KASH5: variants seen among roughly 807,000 people sequenced by gnomAD.
The protein encoded by KASH5 is KASH domain containing 5.
KASH5 carries 72 observed loss-of-function variants against 84.2 expected under a neutral mutation model. That is an observed-to-expected ratio of 0.85 (90% CI 0.71 to 1.04). The LOEUF is 1.04. Among genes scored for constraint, KASH5 ranks in the 50% least tolerant of loss-of-function variants. The probability of loss-of-function intolerance (pLI) is 0.00; values close to 1 mark genes in which losing one functional copy is unlikely to be tolerated. For synonymous variants in KASH5, 260 were observed against 279.1 expected (o/e 0.93, Z 0.68); for missense variants, 650 against 701.0 (o/e 0.93, Z 0.82).
chr19:49,396,155 G>C (rs1168518198), intron 5 of KASH5, among the ~76,000 whole-genome samples: 1 of 151,606 alleles, frequency 6.6e-6, no homozygotes, highest in Non-Finnish European at 1.5e-5. Context: ...TGGTCTTGCT[G>C]CCCTTCCTCG....
At chr19:49,407,506 C>T in intron 11 of KASH5, 106 bp from the exon 12 acceptor site, 1 of 1,296,890 alleles carries the variant, frequency 7.7e-7, no homozygotes, top group Non-Finnish European at 1.1e-6. Context: ...GCTCTTCCCT[C>T]AAGCTCACCC....
chr19:49,391,741 T>A (rs1974011870), intron 2 of KASH5: 1 of 152,158 alleles, frequency 6.6e-6, no homozygotes. Context: ...AACTCCTGAC[T>A]CACTGTGGGA....
intron 1 of KASH5, chr19:49,390,153 G>A (rs1016769073): frequency 1.3e-5 from 2 of 152,420 alleles, no homozygotes; most frequent in Non-Finnish European, 2.9e-5. Context: ...CCAAATCCAG[G>A]CTGATGTGGC....
intron 9 of KASH5, among the ~76,000 whole-genome samples, chr19:49,405,293 C>T (rs112968060): frequency 0.016 from 2,358 of 151,878 alleles, 56 homozygotes; most frequent in African/African-American, 0.053. Context: ...CCCGTCTCTA[C>T]TAAAAATACA....
chr19:49,396,746 T>G (rs891074437), intron 5 of KASH5, among the ~76,000 whole-genome samples: 12 of 151,130 alleles, frequency 7.9e-5, no homozygotes, highest in Non-Finnish European at 1.5e-4. Context: ...CCCCAGGACC[T>G]CACACATAGG....
chr19:49,391,274 A>G (rs544672382), intron 2 of KASH5, among the ~76,000 whole-genome samples: 5 of 152,144 alleles, frequency 3.3e-5, no homozygotes, highest in African/African-American at 1.2e-4. Context: ...ATTTCTCTTC[A>G]CAGTGCTCAC....
Position 49,395,936 on chromosome 19 carries a change from C to G in KASH5, c.400+103C>G. Reference sequence around the variant, plus strand: ...AAGGGATAGGGTAGGAACCAGGGACCTTTACTGTAGACTAGAGCTGTGAGT... The same window carrying G: ...AAGGGATAGGGTAGGAACCAGGGACGTTTACTGTAGACTAGAGCTGTGAGT... On this transcript the variant is annotated intron_variant, in intron 5 of 19. Coordinates refer to ENST00000447857, the MANE Select transcript of KASH5 (RefSeq NM_144688.5). This position sits in a 1 kb window ranked among gnomAD's most constrained non-coding sequence, Gnocchi z 4.4. 1 of 926,084 alleles carries G rather than the reference C, an allele frequency of 1.1e-6. No individual in the cohort carries two copies. The highest frequency in any genetic ancestry group is 1.4e-5 in the South Asian group (1 of 69,792). The allele number at this position is 926,084 out of a possible 1,614,324, so 57.4% of individuals were successfully genotyped here. A position where few individuals can be genotyped will look rare whatever the true frequency, so the allele number is the denominator to read the frequency against.
chr19:49,398,115 A>G lies in KASH5; in HGVS notation c.601A>G (p.Ile201Val), dbSNP rs1159708076. ...EEGSARLGEE[I>V]LALRKQLHST... ...GGGGTCAGCACGCCTTGGGGAGGAG[A>G]TCTTGGCTCTGCGTAAGCAGCTTCA... is the stretch of plus-strand genomic sequence containing the variant. Residue 201 changes from isoleucine (I) to valine (V), a missense_variant, in exon 7 of 20, where the codon ATC becomes GTC. By Grantham distance (29) the Ile-to-Val change is conservative (BLOSUM62 3). Transcript: ENST00000447857. The G allele has an allele frequency of 6.3e-7, 1 of 1,597,716 alleles. No homozygotes were observed. The highest frequency in any genetic ancestry group is 1.7e-5 in the Admixed American group (1 of 59,444).
chr19:49,404,060 C>T (rs1229065770), intron 9 of KASH5, among the ~76,000 whole-genome samples: 8 of 152,222 alleles, frequency 5.3e-5, no homozygotes, highest in South Asian at 2.1e-4. Context: ...CCGAGTGGCC[C>T]AGGATCTGGC....
In KASH5 at chr19:49,417,070, C is replaced by T. The variant is rs756901336; in HGVS notation, c.1430C>T (p.Pro477Leu). Residue 477 changes from proline to leucine, a missense_variant, in exon 18 of 20, where the codon CCT becomes CTT. Pro to Leu is a moderately conservative substitution (Grantham distance 98). Transcript: ENST00000447857. The surrounding 1 kb of genome is among the most constrained non-coding windows in gnomAD (Gnocchi z 5.2). ...APRPGDIPEN[P>L]PERPARRELQ... ...CGCCCTGGAGACATCCCAGAAAACCCTCCAGAGAGGTAATAGGACCCACAG... is the reference window on the plus strand; with the variant it reads ...CGCCCTGGAGACATCCCAGAAAACCTTCCAGAGAGGTAATAGGACCCACAG... 1.2e-5 allele frequency: 19 copies of T among 1,598,044 alleles called. No homozygotes were observed. The highest frequency in any genetic ancestry group is 1.5e-5 in the Non-Finnish European group (18 of 1,172,860).
chr19:49,395,618 G>A lies in KASH5; in HGVS notation c.336-151G>A. On this transcript the variant is annotated intron_variant, in intron 4 of 19. Transcript: ENST00000447857. This position sits in a 1 kb window ranked among gnomAD's most constrained non-coding sequence, Gnocchi z 4.4. ...CTCCTGCTTTTCCATCTGGCCACGG[G>A]CACTTGCCATCTGGCCTCACCCTCC... 1 of 750,218 alleles carries A rather than the reference G, an allele frequency of 1.3e-6. No individual in the cohort carries two copies. The allele number at this position is 750,218 out of a possible 1,614,324, so 46.5% of individuals were successfully genotyped here. A position where few individuals can be genotyped will look rare whatever the true frequency, so the allele number is the denominator to read the frequency against.
intron 3 of KASH5, 195 bp downstream of exon 3, chr19:49,394,775 A>T: frequency 1.7e-6 from 1 of 591,418 alleles, no homozygotes; most frequent in Non-Finnish European, 3.0e-6. Context: ...AATGAGGAAA[A>T]CTTGGGGGAC....
Position 49,398,147 on chromosome 19 carries a change from G to T in KASH5, c.629+4G>T, listed in dbSNP as rs199564198. 460 of 1,564,782 alleles carry T rather than the reference G, an allele frequency of 2.9e-4. 7 individuals carry two copies. In the Admixed American group the frequency reaches 8.1e-3, roughly 27 times the overall value. On this transcript the variant is annotated splice_donor_region_variant and intron_variant, in intron 7 of 19. Transcript: ENST00000447857. The stretch of plus-strand genomic sequence containing the variant: ...CTCTGCGTAAGCAGCTTCACAGGTG[G>T]GCTGGATGCCACACCCACCCTCCCC...
At position 49,394,157 on chromosome 19, in the gene KASH5, C is replaced by T. The variant is rs182665671; in HGVS notation, c.44-319C>T. 6.0e-3 allele frequency among the ~76,000 whole-genome samples: 921 copies of T among 152,288 alleles called. 7 individuals carry two copies. The highest frequency in any genetic ancestry group is 0.02 in the African/African-American group (843 of 41,556). ...TTGCCCTCCCCGACCCTGTCCCTCT[C>T]TGAGTCCAGCCTGGGAGGCTGGAGA... On this transcript the variant is annotated intron_variant, in intron 2 of 19. Transcript: ENST00000447857.
intron 1 of KASH5, 34 bp from the exon 2 acceptor site, chr19:49,390,755 C>A: frequency 1.9e-6 from 2 of 1,070,944 alleles, no homozygotes; most frequent in Non-Finnish European, 1.3e-6. Context: ...TTGGTGGCTG[C>A]TCTGAGGACA....
Position 49,399,271 on chromosome 19 carries a change from G to A in KASH5, c.747+129G>A. On this transcript the variant is annotated intron_variant, in intron 8 of 19. Transcript: ENST00000447857. This position sits in a 1 kb window ranked among gnomAD's most constrained non-coding sequence, Gnocchi z 4.4. ...GGCTTTCTCCCTCTCTCCAGGCCCT[G>A]CTCACCCTAGACTTTTTCAAGCTTA... 2 of 952,570 alleles carry A rather than the reference G, an allele frequency of 2.1e-6. No individual in the cohort carries two copies. The highest frequency in any genetic ancestry group is 3.1e-6 in the Non-Finnish European group (2 of 635,924). 59.0% of individuals were successfully genotyped at this position (952,570 alleles called of 1,614,324 possible). A position where few individuals can be genotyped will look rare whatever the true frequency, so the allele number is the denominator to read the frequency against.
Position 49,394,585 on chromosome 19 carries a change from TG to T in KASH5, c.148+10del, listed in dbSNP as rs1974113222. Reference sequence around the variant, plus strand: ...CTTGTGACCCTCAGAGGACAGGTGGTGGGGGCATGAGGGGTGCTGGGGACCA... The same window carrying T: ...CTTGTGACCCTCAGAGGACAGGTGGTGGGGCATGAGGGGTGCTGGGGACCA... On this transcript the variant is annotated splice_donor_region_variant and intron_variant, in intron 3 of 19. Transcript: ENST00000447857. The T allele has an allele frequency of 6.2e-7, 1 of 1,609,514 alleles. No homozygotes were observed.
Position 49,395,859 on chromosome 19 carries a change from G to A in KASH5, c.400+26G>A. 1 of 1,543,662 alleles carries A rather than the reference G, an allele frequency of 6.5e-7. No individual in the cohort carries two copies. Among genetic ancestry groups the A allele is most frequent in the Non-Finnish European group, 8.8e-7 (1 of 1,141,964 alleles). ...GTGAGATTGCTATATATAGAATGAA[G>A]CAGGCAGGCCCTGGGTCAGACAGTG... On this transcript the variant is annotated intron_variant, in intron 5 of 19. Transcript: ENST00000447857. The surrounding 1 kb of genome is among the most constrained non-coding windows in gnomAD (Gnocchi z 4.4).
intron 12 of KASH5, among the ~76,000 whole-genome samples, chr19:49,408,676 C>T (rs1974610435): frequency 6.6e-6 from 1 of 152,166 alleles, no homozygotes; most frequent in Non-Finnish European, 1.5e-5. Context: ...TCTCGATCTC[C>T]TGACCTTGTG....
Sources: gnomAD v4.1 joint callset for allele counts (sites outside exome capture counted in the v4.1 genomes callset) on GRCh38, gnomAD v4.1.1 for gene constraint, Gnocchi (gnomAD v3.1) non-coding constraint, MANE v1.5 for transcripts, NCBI Gene and HGNC (gene_info 2026-07-23, HGNC 2026-07-21) for gene names.